KCTD20: variants seen among roughly 807,000 people sequenced by gnomAD.
The protein encoded by KCTD20 is BTB/POZ domain-containing protein KCTD20.
In KCTD20, 30 loss-of-function variants were observed where a neutral mutation model predicts 39.6. The ratio of observed to expected loss-of-function variants is 0.76; its 90% CI spans 0.57 to 1.03. The LOEUF is 1.03. Among genes scored for constraint, KCTD20 ranks in the 50% least tolerant of loss-of-function variants. The pLI, the probability that KCTD20 is intolerant of heterozygous loss-of-function variation, is 0.00. For synonymous variants in KCTD20, 162 were observed against 180.6 expected (o/e 0.90, Z 0.83); for missense variants, 422 against 522.0 (o/e 0.81, Z 1.87).
At chr6:36,461,800 A>G (rs1254572118) in intron 1 of KCTD20, among the ~76,000 whole-genome samples, 1 of 152,180 alleles carries the variant, frequency 6.6e-6, no homozygotes, top group Non-Finnish European at 1.5e-5. Flanking sequence ...AATTTATCCA[A>G]GCAATTCTAA....
intron 6 of KCTD20, among the ~76,000 whole-genome samples, chr6:36,484,001 G>A (rs1167805099): frequency 1.3e-5 from 2 of 148,942 alleles, no homozygotes; most frequent in Admixed American, 1.3e-4. Flanking sequence ...GTGCAATGGC[G>A]TGATCTTGGC....
intron 1 of KCTD20, among the ~76,000 whole-genome samples, chr6:36,463,831 C>A (rs1165231710): frequency 6.6e-6 from 1 of 152,072 alleles, no homozygotes; most frequent in Non-Finnish European, 1.5e-5. Flanking sequence ...TTTATAGCAG[C>A]ACAAATGGAC....
At chr6:36,468,399 C>G (rs1775822369) in intron 1 of KCTD20, among the ~76,000 whole-genome samples, 2 of 152,178 alleles carry the variant, frequency 1.3e-5, no homozygotes, top group African/African-American at 4.8e-5. Flanking sequence ...CAGGCTCAGT[C>G]AAGCTTATTG....
At chr6:36,468,962 ATATTT>A (rs1775837274) in intron 1 of KCTD20, among the ~76,000 whole-genome samples, 2 of 152,310 alleles carry the variant, frequency 1.3e-5, no homozygotes, top group Non-Finnish European at 2.9e-5. Context: ...TATGCTAAAA[ATATTT>A]TAATATATGT....
chr6:36,460,327 C>CCT lies in KCTD20; in HGVS notation c.-46-9725_-46-9724insCT, dbSNP rs35203667. On this transcript the variant is annotated intron_variant, in intron 1 of 7. Coordinates refer to ENST00000373731, the MANE Select transcript of KCTD20 (RefSeq NM_173562.5). ...GAATTAGATCTCTCTTTTTTTTTCCCGAGACTGAGCCTGTAGCCCAGGCTG... is the reference window on the plus strand; with the variant it reads ...GAATTAGATCTCTCTTTTTTTTTCCCCTGAGACTGAGCCTGTAGCCCAGGCTG... Among the ~76,000 whole-genome samples the CCT allele has an allele frequency of 6.4e-3, 962 of 151,368 alleles. 12 individuals are homozygous for CCT. The highest frequency in any genetic ancestry group is 0.022 in the African/African-American group (924 of 41,258).
chr6:36,483,679 A>C (rs1561960289), intron 6 of KCTD20, among the ~76,000 whole-genome samples: 2 of 151,556 alleles, frequency 1.3e-5, no homozygotes, highest in Admixed American at 6.6e-5. Flanking sequence ...ATGATTGGCT[A>C]ATTTTTTTTT....
In KCTD20 at chr6:36,466,815, T is replaced by C. The variant is rs78869125; in HGVS notation, c.-46-3237T>C. Among the ~76,000 whole-genome samples the C allele has an allele frequency of 2.9e-3, 440 of 152,278 alleles. 2 individuals carry two copies. Among genetic ancestry groups the C allele is most frequent in the African/African-American group, 0.01 (421 of 41,548 alleles). ...TCAAAGTTGAATGAAGCGTCCATGC[T>C]GGAAGGGGAATAGAACCTTACTATT... On this transcript the variant is annotated intron_variant, in intron 1 of 7. Transcript: ENST00000373731.
At position 36,489,320 on chromosome 6, in the gene KCTD20, A is replaced by T. The variant is rs1776516247; in HGVS notation, c.*2145A>T. The stretch of plus-strand genomic sequence containing the variant: ...ATGCCAGGTATGAAGTATGGCATAT[A>T]CTTGACACTGTCCTGTGTAACCCTT... On this transcript the variant is annotated 3_prime_UTR_variant, in exon 8 of 8. Coordinates refer to ENST00000373731, the MANE Select transcript of KCTD20 (RefSeq NM_173562.5). 6.6e-6 allele frequency: 1 copy of T among 152,266 alleles called. No individual in the cohort carries two copies. The highest frequency in any genetic ancestry group is 1.5e-5 in the Non-Finnish European group (1 of 68,042). The allele number at this position is 152,266 out of a possible 1,614,324, so 9.4% of individuals were successfully genotyped here. A position where few individuals can be genotyped will look rare whatever the true frequency, so the allele number is the denominator to read the frequency against.
chr6:36,450,921 AG>A (rs1236201456), intron 1 of KCTD20: 2 of 152,206 alleles, frequency 1.3e-5, no homozygotes, highest in Admixed American at 6.5e-5. Flanking sequence ...AAGAGTTAGA[AG>A]TCTTGCTGTG....
intron 1 of KCTD20, among the ~76,000 whole-genome samples, chr6:36,467,931 G>GT (rs1458790182): frequency 6.6e-6 from 1 of 152,094 alleles, no homozygotes; most frequent in Non-Finnish European, 1.5e-5. Flanking sequence ...TAATTTGTGT[G>GT]TTTTTTAAAA....
intron 2 of KCTD20, among the ~76,000 whole-genome samples, chr6:36,473,426 G>A (rs1021954779): frequency 1.3e-5 from 2 of 152,100 alleles, no homozygotes; most frequent in African/African-American, 4.8e-5. Context: ...TGAGGTATAT[G>A]GAGTGAACAT....
At chr6:36,482,319 C>T (rs375136275) in intron 6 of KCTD20, among the ~76,000 whole-genome samples, 13 of 152,032 alleles carry the variant, frequency 8.6e-5, no homozygotes, top group African/African-American at 2.4e-4. Flanking sequence ...TTTGGGAGGC[C>T]GAGGCAGGCG....
At chr6:36,448,791 A>G (rs1411925282) in intron 1 of KCTD20, among the ~76,000 whole-genome samples, 1 of 152,098 alleles carries the variant, frequency 6.6e-6, no homozygotes, top group Non-Finnish European at 1.5e-5. Flanking sequence ...GAGTGTTACA[A>G]TTCTTAAAGA....
chr6:36,479,810 GAGAC>G (rs1776189383), intron 5 of KCTD20, 99 bp downstream of exon 5: 1 of 673,080 alleles, frequency 1.5e-6, no homozygotes, highest in Non-Finnish European at 2.0e-6. Flanking sequence ...TTTTTTTTTT[GAGAC>G]AGAGTCTCGC....
In KCTD20 at chr6:36,487,998, G is replaced by A. The variant is rs933623190; in HGVS notation, c.*823G>A. 2.6e-5 allele frequency: 4 copies of A among 152,228 alleles called. No homozygotes were observed. The highest frequency in any genetic ancestry group is 9.6e-5 in the African/African-American group (4 of 41,456). The allele number at this position is 152,228 out of a possible 1,614,324, so 9.4% of individuals were successfully genotyped here. ...CCATAGGTCTTAACACTCTGGAGCAGCACATTGCTGTGGATATGTCCAGGA... is the reference window on the plus strand; with the variant it reads ...CCATAGGTCTTAACACTCTGGAGCAACACATTGCTGTGGATATGTCCAGGA... On this transcript the variant is annotated 3_prime_UTR_variant, in exon 8 of 8. Coordinates refer to ENST00000373731, the MANE Select transcript of KCTD20 (RefSeq NM_173562.5).
At chr6:36,455,322 C>G (rs994391902) in intron 1 of KCTD20, among the ~76,000 whole-genome samples, 2 of 152,108 alleles carry the variant, frequency 1.3e-5, no homozygotes, top group African/African-American at 4.8e-5. Flanking sequence ...GCAGGATAAT[C>G]GCTTTAACCT....
chr6:36,470,400 A>T, intron 2 of KCTD20, 143 bp downstream of exon 2: 1 of 729,220 alleles, frequency 1.4e-6, no homozygotes, highest in Non-Finnish European at 2.2e-6. Flanking sequence ...CATAAAGCTG[A>T]CCTTCACAGA....
intron 1 of KCTD20, among the ~76,000 whole-genome samples, chr6:36,447,331 T>C (rs1231179938): frequency 6.6e-6 from 1 of 152,142 alleles, no homozygotes; most frequent in Admixed American, 6.6e-5. Flanking sequence ...ATTAATGTTT[T>C]CAAAAATATT....
At chr6:36,485,652 C>T (rs552373262) in intron 7 of KCTD20, among the ~76,000 whole-genome samples, 3 of 152,170 alleles carry the variant, frequency 2.0e-5, no homozygotes, top group African/African-American at 7.2e-5. Flanking sequence ...CGCAACCATG[C>T]CCGGCTAATT....
Sources: allele counts gnomAD v4.1 joint callset (sites outside exome capture counted in the v4.1 genomes callset), GRCh38; gene constraint gnomAD v4.1.1; transcripts MANE v1.5; gene names NCBI Gene and HGNC (gene_info 2026-07-23, HGNC 2026-07-21).